The following MGLL variants were observed in gnomAD, a reference collection of about 807,000 sequenced individuals.
The protein encoded by MGLL is lysophospholipase homolog.
In MGLL, 7 loss-of-function variants were observed where a neutral mutation model predicts 29.1. That is an observed-to-expected ratio of 0.24 (90% confidence interval 0.14 to 0.45). MGLL has a LOEUF of 0.45. Among genes scored for constraint, MGLL ranks in the 20% least tolerant of loss-of-function variants. MGLL has a pLI of 0.99. For synonymous variants in MGLL, 148 were observed against 168.3 expected, an observed-to-expected ratio of 0.88 and a Z score of 0.93; for missense variants, 356 against 413.6, an observed-to-expected ratio of 0.86 and a Z score of 1.21.
In MGLL at chr3:127,696,113, C is replaced by T. The variant is rs145102983; in HGVS notation, c.601-923G>A. On this transcript the variant is annotated intron_variant, in intron 6 of 7. Coordinates refer to ENST00000265052, the MANE Select transcript of MGLL (RefSeq NM_007283.7). The stretch of plus-strand genomic sequence containing the variant: ...CTCAGGGCTACACAGGGTGGTCAGA[C>T]GCCCTGACAGGCTGTGCCCAAGGCC... Among the ~76,000 whole-genome samples the T allele has an allele frequency of 2.5e-3, 378 of 152,318 alleles. 2 individuals carry two copies. Among genetic ancestry groups the T allele is most frequent in the African/African-American group, 8.8e-3 (367 of 41,570 alleles).
chr3:127,804,281 G>C (rs1296019905), intron 2 of MGLL, among the ~76,000 whole-genome samples: 2 of 152,230 alleles, frequency 1.3e-5, no homozygotes, highest in Non-Finnish European at 2.9e-5. Flanking sequence ...GTGTCGCCCA[G>C]GAGGCCGGCA....
chr3:127,694,188 T>G (rs902279826), intron 7 of MGLL, among the ~76,000 whole-genome samples: 3 of 148,632 alleles, frequency 2.0e-5, no homozygotes, highest in Non-Finnish European at 1.5e-5. Flanking sequence ...CAGAATCACT[T>G]GAACCTGGGA....
intron 2 of MGLL, among the ~76,000 whole-genome samples, chr3:127,789,271 G>A (rs557451936): frequency 6.6e-6 from 1 of 152,322 alleles, no homozygotes; most frequent in Non-Finnish European, 1.5e-5. Flanking sequence ...TCCCCTGTGG[G>A]CTCAGCTTCA....
At chr3:127,798,046 T>C (rs1210005182) in intron 2 of MGLL, among the ~76,000 whole-genome samples, 2 of 152,198 alleles carry the variant, frequency 1.3e-5, no homozygotes, top group Non-Finnish European at 2.9e-5. Flanking sequence ...AACAGATATA[T>C]GTATTAAAAA....
chr3:127,800,145 C>G (rs547287560), intron 2 of MGLL, among the ~76,000 whole-genome samples: 2 of 152,298 alleles, frequency 1.3e-5, no homozygotes, highest in Admixed American at 1.3e-4. Flanking sequence ...CAATGACCAG[C>G]TTTGGTGATT....
chr3:127,712,748 G>T (rs181935825), intron 5 of MGLL: 1 of 152,488 alleles, frequency 6.6e-6, no homozygotes, highest in Non-Finnish European at 1.5e-5. Flanking sequence ...TCGAAGGGTG[G>T]CCGTGATGGG....
At chr3:127,701,743 T>G (rs1422811291) in intron 6 of MGLL, among the ~76,000 whole-genome samples, 1 of 152,144 alleles carries the variant, frequency 6.6e-6, no homozygotes, top group Non-Finnish European at 1.5e-5. Context: ...CCCGTGTGTG[T>G]CATCCCCAGA....
intron 3 of MGLL, among the ~76,000 whole-genome samples, chr3:127,768,419 GC>G (rs1325751761): frequency 6.6e-6 from 1 of 152,192 alleles, no homozygotes; most frequent in Non-Finnish European, 1.5e-5. Flanking sequence ...TGATGCCAAA[GC>G]CCGTGTGTCT....
intron 2 of MGLL, among the ~76,000 whole-genome samples, chr3:127,796,173 C>T (rs1222596119): frequency 6.6e-6 from 1 of 152,196 alleles, no homozygotes; most frequent in Non-Finnish European, 1.5e-5. Flanking sequence ...GCATTTGGGC[C>T]ACTGTCCCTG....
chr3:127,812,419 T>G (rs1232929713), intron 2 of MGLL, among the ~76,000 whole-genome samples: 3 of 152,002 alleles, frequency 2.0e-5, no homozygotes, highest in Non-Finnish European at 4.4e-5. Context: ...GAGCCTGAAA[T>G]CTCCTTGACA....
chr3:127,792,132 A>G (rs1242141752), intron 2 of MGLL, among the ~76,000 whole-genome samples: 2 of 152,188 alleles, frequency 1.3e-5, no homozygotes, highest in East Asian at 1.9e-4. Context: ...GTTCAAATCT[A>G]TATGTCTAGG....
chr3:127,726,292 AAGGGAGGG>A lies in MGLL; in HGVS notation c.263-3734_263-3727del, dbSNP rs58130464. Among the ~76,000 whole-genome samples the A allele has an allele frequency of 1.6e-3, 188 of 114,158 alleles. 4 individuals are homozygous for A. The highest frequency in any genetic ancestry group is 5.7e-3 in the African/African-American group (177 of 31,238). The allele number at this position is 114,158 out of a possible 152,430, so 74.9% of individuals were successfully genotyped here. A position where few individuals can be genotyped will look rare whatever the true frequency, so the allele number is the denominator to read the frequency against. ...GGAGGGAGGGAGAGAGGAAGGAAGG[AAGGGAGGG>A]AGGGAGGGAGAGAAAGAAAGAGAAA... On this transcript the variant is annotated intron_variant, in intron 3 of 7. Coordinates refer to ENST00000265052, the MANE Select transcript of MGLL (RefSeq NM_007283.7).
At chr3:127,716,006 G>T in intron 5 of MGLL, 3 of 362,300 alleles carry the variant, frequency 8.3e-6, no homozygotes, top group South Asian at 6.2e-5. Context: ...ATTGAGGTGA[G>T]ACCCCCCGCA....
At chr3:127,780,666 T>TCCCA (rs1187542621) in intron 3 of MGLL, among the ~76,000 whole-genome samples, 2 of 152,256 alleles carry the variant, frequency 1.3e-5, no homozygotes, top group African/African-American at 2.4e-5. Context: ...CTACAGAATG[T>TCCCA]CCCAGCAAGC....
chr3:127,782,396 A>G (rs1285105620), intron 2 of MGLL, among the ~76,000 whole-genome samples: 4 of 152,168 alleles, frequency 2.6e-5, no homozygotes, highest in Non-Finnish European at 5.9e-5. Context: ...AATGGAGCCC[A>G]AATCCCTGCT....
intron 3 of MGLL, among the ~76,000 whole-genome samples, chr3:127,758,932 T>C (rs1419612343): frequency 2.7e-5 from 4 of 149,334 alleles, no homozygotes; most frequent in Non-Finnish European, 6.0e-5. Context: ...TTTCTTTTTT[T>C]TTTTTTTTGA....
chr3:127,776,993 C>T (rs527694779), intron 3 of MGLL, among the ~76,000 whole-genome samples: 7 of 150,826 alleles, frequency 4.6e-5, no homozygotes, highest in South Asian at 4.2e-4. Context: ...ATAGTTCCCA[C>T]GCAGGATAAT....
chr3:127,753,894 G>A (rs2076605887), intron 3 of MGLL, among the ~76,000 whole-genome samples: 1 of 152,160 alleles, frequency 6.6e-6, no homozygotes, highest in African/African-American at 2.4e-5. Flanking sequence ...CTTGGTGATG[G>A]GTCTCCATTC....
At chr3:127,808,120 C>T (rs1048857029) in intron 2 of MGLL, among the ~76,000 whole-genome samples, 21 of 152,098 alleles carry the variant, frequency 1.4e-4, no homozygotes, top group African/African-American at 5.1e-4. Flanking sequence ...TTGTCTACAA[C>T]CTCCAACATG....
Sources: gnomAD v4.1 joint callset for allele counts (sites outside exome capture counted in the v4.1 genomes callset) on GRCh38, gnomAD v4.1.1 for gene constraint, MANE v1.5 for transcripts, NCBI Gene and HGNC (gene_info 2026-07-23, HGNC 2026-07-21) for gene names.